The following SORBS2 variants were observed in gnomAD, a reference collection of about 807,000 sequenced individuals.
SORBS2 encodes the protein sorbin and SH3 domain containing 2.
SORBS2 carries 46 observed loss-of-function variants against 97.7 expected under a neutral mutation model. The ratio of observed to expected loss-of-function variants is 0.47; its 90% CI spans 0.37 to 0.60. The LOEUF is 0.60. Ranked by LOEUF, SORBS2 falls within the 20% of genes least tolerant of loss-of-function variation. The pLI is 0.00. For synonymous variants in SORBS2, 476 were observed against 473.4 expected (o/e 1.01, Z -0.07); for missense variants, 1,316 against 1,282.3 (o/e 1.03, Z -0.40).
chr4:185,656,735 T>C, exon 1 of SORBS2: 1 of 1,541,644 alleles, frequency 6.5e-7, no homozygotes, highest in East Asian at 2.5e-5. Flanking sequence ...AGAAGCTGCC[T>C]CTGCTACTGC....
exon 1 of SORBS2, chr4:185,656,657 C>T (rs1472370431): frequency 6.4e-7 from 1 of 1,551,112 alleles, no homozygotes; most frequent in Non-Finnish European, 8.7e-7. Context: ...CGGCTTCCTT[C>T]TCCCGGCTGG....
chr4:185,635,595 C>T (rs149051501), intron 4 of SORBS2, among the ~76,000 whole-genome samples, 184 bp from the exon 16 acceptor site: 56 of 152,204 alleles, frequency 3.7e-4, no homozygotes, highest in Middle Eastern at 3.4e-3. Context: ...AAGTGTGCAA[C>T]GTCTGCAAAT....
At chr4:185,813,996 G>A (rs548511683) in intron 1 of SORBS2, among the ~76,000 whole-genome samples, 4 of 152,210 alleles carry the variant, frequency 2.6e-5, no homozygotes, top group South Asian at 4.1e-4. Context: ...GAGGACCTAC[G>A]ACACTGTATG....
Position 185,854,803 on chromosome 4 carries a change from G to T in SORBS2, c.-337-79437C>A, listed in dbSNP as rs56318690. Among the ~76,000 whole-genome samples, 45 of 52,126 alleles carry T rather than the reference G, an allele frequency of 8.6e-4. 1 individual carries two copies. The highest frequency in any genetic ancestry group is 2.8e-3 in the South Asian group (4 of 1,428). 34.2% of individuals were successfully genotyped at this position (52,126 alleles called of 152,430 possible). The stretch of plus-strand genomic sequence containing the variant: ...AATAGAGAAGAGAGAGAGAGAGAGA[G>T]AGAGAGAGAGAGAGCCTTAGTTAGT... On this transcript the variant is annotated intron_variant, in intron 1 of 20. Coordinates refer to the SORBS2 transcript ENST00000284776.
At chr4:185,658,871 C>A (rs34801592), upstream of SORBS2, among the ~76,000 whole-genome samples, 74,858 of 151,446 alleles carry the variant, frequency 0.49, 19,081 homozygotes, top group Non-Finnish European at 0.57. Flanking sequence ...AAAATACAAA[C>A]AATTTTTTGT....
At chr4:185,788,285 G>A (rs996247281) in intron 1 of SORBS2, among the ~76,000 whole-genome samples, 7 of 152,346 alleles carry the variant, frequency 4.6e-5, no homozygotes, top group African/African-American at 1.4e-4. Flanking sequence ...AAGAGATACC[G>A]ACAGAGAAAA....
Position 185,587,708 on chromosome 4 carries a change from A to T in SORBS2, c.2954-20T>A. On this transcript the variant is annotated intron_variant, in intron 14 of 14. Transcript: ENST00000418609. ...AGGTCCCTGAAAATAGAAGCGAGTC[A>T]TGAAAGGGGGGTGACAACGATATCA... 6.3e-7 allele frequency: 1 copy of T among 1,596,180 alleles called. No homozygotes were observed. The highest frequency in any genetic ancestry group is 8.6e-7 in the Non-Finnish European group (1 of 1,164,586).
intron 1 of SORBS2, among the ~76,000 whole-genome samples, chr4:185,791,196 C>T (rs1318835429): frequency 6.6e-6 from 1 of 152,068 alleles, no homozygotes; most frequent in African/African-American, 2.4e-5. Context: ...ATTTTATTAC[C>T]ATGCAATGGT....
At chr4:185,648,786 A>G (rs1009061121) in intron 3 of SORBS2, among the ~76,000 whole-genome samples, 8 of 152,154 alleles carry the variant, frequency 5.3e-5, no homozygotes, top group African/African-American at 1.7e-4. Context: ...TTTAAAATAG[A>G]AAGTATCTCA....
At chr4:185,659,791 C>T (rs1326845796), upstream of SORBS2, among the ~76,000 whole-genome samples, 1 of 152,152 alleles carries the variant, frequency 6.6e-6, no homozygotes. Flanking sequence ...CCAAAAAGGA[C>T]TTGAGTGGGC....
chr4:185,747,227 C>G (rs1302876688), intron 2 of SORBS2, among the ~76,000 whole-genome samples: 1 of 152,182 alleles, frequency 6.6e-6, no homozygotes, highest in Non-Finnish European at 1.5e-5. Flanking sequence ...ACCAGACCTG[C>G]TCTCACCTTG....
chr4:185,752,823 C>A (rs1259451511), intron 2 of SORBS2, among the ~76,000 whole-genome samples: 1 of 152,168 alleles, frequency 6.6e-6, no homozygotes, highest in Non-Finnish European at 1.5e-5. Flanking sequence ...GAATTCTGAC[C>A]CATTTAGTCA....
chr4:185,767,888 C>G (rs1000267559), intron 2 of SORBS2, among the ~76,000 whole-genome samples: 21 of 152,202 alleles, frequency 1.4e-4, no homozygotes, highest in African/African-American at 4.3e-4. Context: ...AAACTCAATG[C>G]ACCTTCCCAG....
At chr4:185,704,944 C>T (rs1483821784) in intron 2 of SORBS2, among the ~76,000 whole-genome samples, 1 of 152,228 alleles carries the variant, frequency 6.6e-6, no homozygotes, top group Non-Finnish European at 1.5e-5. Context: ...CTTCACTTTC[C>T]CATAACAGCA....
In SORBS2 at chr4:185,777,828, G is replaced by A. The variant is rs192745660; in HGVS notation, c.-337-2462C>T. On this transcript the variant is annotated intron_variant, in intron 1 of 20. Coordinates refer to the SORBS2 transcript ENST00000284776. Reference sequence around the variant, plus strand: ...TGATGAGAAATTACTCAGTGGGTACGATGTTCATTATTCAGGTGATGGACA... The same window carrying A: ...TGATGAGAAATTACTCAGTGGGTACAATGTTCATTATTCAGGTGATGGACA... Among the ~76,000 whole-genome samples the A allele has an allele frequency of 7.2e-5, 11 of 151,994 alleles. No homozygotes were observed. In the East Asian group the frequency reaches 1.9e-3, roughly 27 times the overall value.
intron 1 of SORBS2, among the ~76,000 whole-genome samples, chr4:185,804,348 C>A (rs772767006): frequency 5.3e-5 from 8 of 152,154 alleles, no homozygotes; most frequent in Non-Finnish European, 1.2e-4. Flanking sequence ...GTGGACATGG[C>A]AAGATGGTGG....
chr4:185,599,187 G>C (rs529421766), intron 12 of SORBS2, among the ~76,000 whole-genome samples: 3 of 152,204 alleles, frequency 2.0e-5, no homozygotes, highest in Non-Finnish European at 4.4e-5. Context: ...TCAAGCCCTT[G>C]AGAACTTCTT....
chr4:185,923,472 A>ATTTTTTTTTTTTTTTTTTTTTTTTTTTTT lies in SORBS2; in HGVS notation c.-338+32723_-338+32724insAAAAAAAAAAAAAAAAAAAAAAAAAAAAA, dbSNP rs535695706. On this transcript the variant is annotated intron_variant, in intron 1 of 20. Coordinates refer to the SORBS2 transcript ENST00000284776. ...TGCTTGGCTAAGTTTCTTTTTTTTA[A>ATTTTTTTTTTTTTTTTTTTTTTTTTTTTT]TTTTTTTTTTTTGTAGAGACAGGAC... Among the ~76,000 whole-genome samples, 38 of 110,470 alleles carry ATTTTTTTTTTTTTTTTTTTTTTTTTTTTT rather than the reference A, an allele frequency of 3.4e-4. 3 individuals are homozygous for ATTTTTTTTTTTTTTTTTTTTTTTTTTTTT. The highest frequency in any genetic ancestry group is 8.1e-4 in the African/African-American group (23 of 28,340). 72.5% of individuals were successfully genotyped at this position (110,470 alleles called of 152,430 possible).
At position 185,699,534 on chromosome 4, in the gene SORBS2, G is replaced by A. The variant is rs530511702; in HGVS notation, c.-197-20712C>T. ...ACTCTTGACCTCAGGTAATCTGCCC[G>A]CCTTGGTCTCCCAAAGTGCTGGGAT... On this transcript the variant is annotated intron_variant, in intron 2 of 20. Coordinates refer to the SORBS2 transcript ENST00000284776. Among the ~76,000 whole-genome samples the A allele has an allele frequency of 1.1e-4, 16 of 152,164 alleles. No individual in the cohort carries two copies. In the East Asian group the frequency reaches 1.4e-3, roughly 13 times the overall value.
Sources: gnomAD v4.1 joint callset for allele counts (sites outside exome capture counted in the v4.1 genomes callset) on GRCh38, gnomAD v4.1.1 for gene constraint, MANE v1.5 for transcripts, NCBI Gene and HGNC (gene_info 2026-07-23, HGNC 2026-07-21) for gene names.